AGAP1: variants seen among roughly 807,000 people sequenced by gnomAD.
AGAP1 encodes the protein arf-GAP with GTPase, ANK repeat and PH domain-containing protein 1.
A neutral mutation model predicts 105.3 loss-of-function variants in AGAP1; 29 were observed. That is an observed-to-expected ratio of 0.28 (90% CI 0.21 to 0.38). AGAP1 has a LOEUF of 0.38. Ranked by LOEUF, AGAP1 falls within the 10% of genes least tolerant of loss-of-function variation. AGAP1 has a pLI of 1.00. For missense variants in AGAP1, 998 were observed against 1,165.1 expected, an observed-to-expected ratio of 0.86 and a Z score of 2.09; for synonymous variants, 509 against 485.9, an observed-to-expected ratio of 1.05 and a Z score of -0.63.
rs890003387 is a variant in AGAP1, at chr2:235,611,126, C to G, written c.164-98053C>G. Among the ~76,000 whole-genome samples the G allele has an allele frequency of 6.6e-6, 1 of 152,264 alleles. No individual in the cohort carries two copies. Among genetic ancestry groups the G allele is most frequent in the South Asian group, 2.1e-4 (1 of 4,822 alleles). On this transcript the variant is annotated intron_variant, in intron 1 of 17. Transcript: ENST00000304032. The surrounding 1 kb of genome is among the most constrained non-coding windows in gnomAD (Gnocchi z 5.0). ...ACTGCCCCGAGGGGAGGACTCTGCC[C>G]TACTGGATCCTCCACCTCTCACTTC... is the stretch of plus-strand genomic sequence containing the variant.
intron 12 of AGAP1, among the ~76,000 whole-genome samples, chr2:235,933,380 G>T (rs530892995): frequency 1.2e-3 from 189 of 152,140 alleles, no homozygotes; most frequent in African/African-American, 4.4e-3. Flanking sequence ...AGAGATGAGT[G>T]TTGAGAGCCC....
intron 16 of AGAP1, among the ~76,000 whole-genome samples, chr2:236,054,352 C>T (rs1335638628): frequency 1.3e-5 from 2 of 151,966 alleles, no homozygotes; most frequent in East Asian, 1.9e-4. Flanking sequence ...TCAGGGAACA[C>T]GACTGCCCAC....
In AGAP1 at chr2:235,692,319, G is replaced by T. The variant is rs1337528774; in HGVS notation, c.164-16860G>T. 6.6e-6 allele frequency among the ~76,000 whole-genome samples: 1 copy of T among 152,118 alleles called. No homozygotes were observed. Among genetic ancestry groups the T allele is most frequent in the Non-Finnish European group, 1.5e-5 (1 of 68,026 alleles). On this transcript the variant is annotated intron_variant, in intron 1 of 17. Coordinates refer to ENST00000304032, the MANE Select transcript of AGAP1 (RefSeq NM_001037131.3). This position sits in a 1 kb window ranked among gnomAD's most constrained non-coding sequence, Gnocchi z 5.8. ...GCCTTCCATCTTCCCCAGGGTGCCA[G>T]TGGGGACCTTGCCTTCTCCAGCACT...
In AGAP1 at chr2:235,953,279, A is replaced by G. The variant is rs1332386798; in HGVS notation, c.1484-15183A>G. 2.6e-5 allele frequency among the ~76,000 whole-genome samples: 4 copies of G among 152,232 alleles called. No individual in the cohort carries two copies. Among genetic ancestry groups the G allele is most frequent in the African/African-American group, 9.6e-5 (4 of 41,460 alleles). On this transcript the variant is annotated intron_variant, in intron 12 of 17. Coordinates refer to ENST00000304032, the MANE Select transcript of AGAP1 (RefSeq NM_001037131.3). This position sits in a 1 kb window ranked among gnomAD's most constrained non-coding sequence, Gnocchi z 5.2. Reference sequence around the variant, plus strand: ...CAAATTAGCATTTGATTTAACCCCCAAAAAAGTACCCCGATGGTTCCCACA... The same window carrying G: ...CAAATTAGCATTTGATTTAACCCCCGAAAAAGTACCCCGATGGTTCCCACA...
rs1419804356 is a variant in AGAP1, at chr2:235,994,744, G to T, written c.1645+26121G>T. ...AAGCTTCTCAGGGGAAGAGCATGAT[G>T]AATTTCTTTCTTTTTTTTTTTTTAA... On this transcript the variant is annotated intron_variant, in intron 13 of 17. Transcript: ENST00000304032. This position sits in a 1 kb window ranked among gnomAD's most constrained non-coding sequence, Gnocchi z 4.4. Among the ~76,000 whole-genome samples, 2 of 151,614 alleles carry T rather than the reference G, an allele frequency of 1.3e-5. No homozygotes were observed. The highest frequency in any genetic ancestry group is 2.9e-5 in the Non-Finnish European group (2 of 67,922).
chr2:236,077,051 A>G (rs1163642938), intron 16 of AGAP1, among the ~76,000 whole-genome samples: 1 of 150,510 alleles, frequency 6.6e-6, no homozygotes, highest in African/African-American at 2.4e-5. Context: ...AGGAGGTTGC[A>G]GTAAGCTATG....
chr2:235,739,008 A>G lies in AGAP1; in HGVS notation c.311-1955A>G, dbSNP rs771651573. ...TTTCTGTCGTAAGCAGGCTTATTCA[A>G]TGTTAAATACGACTTTTATTAAAGC... On this transcript the variant is annotated intron_variant, in intron 3 of 17. Transcript: ENST00000304032. The surrounding 1 kb of genome is among the most constrained non-coding windows in gnomAD (Gnocchi z 5.3). 4.6e-5 allele frequency among the ~76,000 whole-genome samples: 7 copies of G among 152,206 alleles called. No individual in the cohort carries two copies. The highest frequency in any genetic ancestry group is 1.9e-4 in the East Asian group (1 of 5,194).
Position 235,807,307 on chromosome 2 carries a change from C to G in AGAP1, c.1026C>G (p.Ser342Arg). The G allele has an allele frequency of 6.3e-7, 1 of 1,598,498 alleles. No homozygotes were observed. The highest frequency in any genetic ancestry group is 8.5e-7 in the Non-Finnish European group (1 of 1,175,922). ...GLESRADSIGSGRAIPIKQGM... is the reference protein window; with the variant it reads ...GLESRADSIGRGRAIPIKQGM... ...AGAGTCGTGCGGACAGCATTGGGAGCGGCCGAGCCATCCCAATTAAACAGG... is the reference window on the plus strand; with the variant it reads ...AGAGTCGTGCGGACAGCATTGGGAGGGGCCGAGCCATCCCAATTAAACAGG... The change falls in exon 9 of 18, where the codon AGC becomes AGG. Residue 342 changes from serine (S) to arginine (R), a missense_variant. By Grantham distance (110) the Ser-to-Arg change is moderately radical (BLOSUM62 -1). Transcript: ENST00000304032.
intron 13 of AGAP1, among the ~76,000 whole-genome samples, chr2:235,998,116 C>T (rs114410665): frequency 2.0e-3 from 301 of 152,280 alleles, no homozygotes; most frequent in African/African-American, 6.8e-3. Context: ...CAATAACCAC[C>T]GTGGACTGCC....
At chr2:235,814,241 C>G (rs1324682746) in intron 9 of AGAP1, among the ~76,000 whole-genome samples, 3 of 152,206 alleles carry the variant, frequency 2.0e-5, no homozygotes, top group Non-Finnish European at 4.4e-5. Flanking sequence ...CCCTTCTCTA[C>G]CCAGCACTTC....
intron 1 of AGAP1, among the ~76,000 whole-genome samples, chr2:235,673,987 T>C (rs1046677254): frequency 6.6e-6 from 1 of 152,256 alleles, no homozygotes; most frequent in African/African-American, 2.4e-5. Context: ...GCTGGAGTCT[T>C]ATTTTAAAGC....
rs983283130 is a variant in AGAP1, at chr2:235,769,850, C to G, written c.673+19362C>G. 6.6e-6 allele frequency among the ~76,000 whole-genome samples: 1 copy of G among 152,158 alleles called. No homozygotes were observed. The highest frequency in any genetic ancestry group is 2.4e-5 in the African/African-American group (1 of 41,424). ...TTGGCACAGGGGAGGGAGGACATGG[C>G]CCTCGGCTGCCAAGGAGCATCCAGT... On this transcript the variant is annotated intron_variant, in intron 6 of 17. Coordinates refer to ENST00000304032, the MANE Select transcript of AGAP1 (RefSeq NM_001037131.3). The surrounding 1 kb of genome is among the most constrained non-coding windows in gnomAD (Gnocchi z 4.4).
chr2:235,962,631 G>A lies in AGAP1; in HGVS notation c.1484-5831G>A, dbSNP rs1484416197. On this transcript the variant is annotated intron_variant, in intron 12 of 17. Transcript: ENST00000304032. The surrounding 1 kb of genome is among the most constrained non-coding windows in gnomAD (Gnocchi z 5.3). ...GGTGTCTGAGGTCCAGGGCAGAAGA[G>A]ATTCATGAGGGTGGAGTGGCACAGA... Among the ~76,000 whole-genome samples, 3 of 152,066 alleles carry A rather than the reference G, an allele frequency of 2.0e-5. No individual in the cohort carries two copies. The highest frequency in any genetic ancestry group is 4.2e-4 in the South Asian group (2 of 4,812).
chr2:235,852,855 G>A (rs572642621), intron 9 of AGAP1: 51 of 1,449,108 alleles, frequency 3.5e-5, no homozygotes, highest in South Asian at 8.8e-5. Context: ...ATGAATTAGC[G>A]GTGGGAGTTA....
At position 235,872,063 on chromosome 2, in the gene AGAP1, A is replaced by AAT; in HGVS notation, c.1051-11279_1051-11278dup. Among the ~76,000 whole-genome samples, 1 of 152,162 alleles carries AAT rather than the reference A, an allele frequency of 6.6e-6. No homozygotes were observed. The highest frequency in any genetic ancestry group is 2.4e-5 in the African/African-American group (1 of 41,426). ...TATCAGTTGTGATTGCAGTTGATGA[A>AAT]ATATGCAGTTGTGAATACTGAGAGA... On this transcript the variant is annotated intron_variant, in intron 9 of 17. Coordinates refer to ENST00000304032, the MANE Select transcript of AGAP1 (RefSeq NM_001037131.3). This position sits in a 1 kb window ranked among gnomAD's most constrained non-coding sequence, Gnocchi z 4.5.
At chr2:235,869,227 T>A (rs2049320637) in intron 9 of AGAP1, among the ~76,000 whole-genome samples, 1 of 151,942 alleles carries the variant, frequency 6.6e-6, no homozygotes, top group East Asian at 1.9e-4. Flanking sequence ...GCCTGTTTCT[T>A]CCCCTTACTG....
At chr2:235,978,622 C>T (rs1315575245) in intron 13 of AGAP1, among the ~76,000 whole-genome samples, 1 of 152,168 alleles carries the variant, frequency 6.6e-6, no homozygotes, top group Non-Finnish European at 1.5e-5. Context: ...ACTTGGAAGT[C>T]TGTATTTTGC....
chr2:235,714,687 G>A lies in AGAP1; in HGVS notation c.223-2870G>A, dbSNP rs938474995. The stretch of plus-strand genomic sequence containing the variant: ...TGACAGAGAACATTTGGATCCATGA[G>A]CCATCACTCAGACAGCAGACCACGG... On this transcript the variant is annotated intron_variant, in intron 2 of 17. Transcript: ENST00000304032. The surrounding 1 kb of genome is among the most constrained non-coding windows in gnomAD (Gnocchi z 4.1). Among the ~76,000 whole-genome samples the A allele has an allele frequency of 6.6e-6, 1 of 152,114 alleles. No individual in the cohort carries two copies. The highest frequency in any genetic ancestry group is 2.4e-5 in the African/African-American group (1 of 41,424).
At position 236,045,927 on chromosome 2, in the gene AGAP1, C is replaced by T. The variant is rs774947424; in HGVS notation, c.1892-3132C>T. On this transcript the variant is annotated intron_variant, in intron 15 of 17. Coordinates refer to ENST00000304032, the MANE Select transcript of AGAP1 (RefSeq NM_001037131.3). The surrounding 1 kb of genome is among the most constrained non-coding windows in gnomAD (Gnocchi z 6.9). ...AACACTGTGCCCCCGCCCCCTGCAA[C>T]ATTTTGGGTTTCAGAGAATTCGGAG... 6.4e-6 allele frequency: 3 copies of T among 471,238 alleles called. No homozygotes were observed. The highest frequency in any genetic ancestry group is 1.3e-5 in the Non-Finnish European group (3 of 226,972). The allele number at this position is 471,238 out of a possible 1,614,324, so 29.2% of individuals were successfully genotyped here.
Sources: allele counts gnomAD v4.1 joint callset (sites outside exome capture counted in the v4.1 genomes callset), GRCh38; gene constraint gnomAD v4.1.1; non-coding constraint Gnocchi (gnomAD v3.1); transcripts MANE v1.5; gene names NCBI Gene and HGNC (gene_info 2026-07-23, HGNC 2026-07-21).